TAB2: variants seen among roughly 807,000 people sequenced by gnomAD.
The protein encoded by TAB2 is TGF-beta-activated kinase 1 and MAP3K7-binding protein 2.
TAB2 carries 3 observed loss-of-function variants against 65.0 expected under a neutral mutation model. That is an observed-to-expected ratio of 0.05 (90% CI 0.02 to 0.12). The LOEUF is 0.12. Ranked by LOEUF, TAB2 falls within the 10% of genes least tolerant of loss-of-function variation. The pLI, the probability that TAB2 is intolerant of heterozygous loss-of-function variation, is 1.00. For synonymous variants in TAB2, 298 were observed against 285.1 expected (o/e 1.05, Z -0.46); for missense variants, 623 against 840.3 (o/e 0.74, Z 3.20).
intron 1 of TAB2, among the ~76,000 whole-genome samples, chr6:149,282,701 G>A (rs922720218): frequency 6.6e-6 from 1 of 152,156 alleles, no homozygotes; most frequent in Admixed American, 6.5e-5. Context: ...TTCTCAGATC[G>A]TATTTTAGGG....
chr6:149,343,649 G>GC (rs1780201043), intron 1 of TAB2, among the ~76,000 whole-genome samples: 2 of 152,078 alleles, frequency 1.3e-5, no homozygotes, highest in Admixed American at 1.3e-4. Context: ...AAAGAAACCA[G>GC]CCAAGGAAGT....
In TAB2 at chr6:149,409,658, C is replaced by G. The variant is rs1319640498; in HGVS notation, c.2021C>G (p.Thr674Ser). Residue 674 changes from threonine to serine, a missense_variant, in exon 7 of 7, where the codon ACT becomes AGT. By Grantham distance (58) the Thr-to-Ser change is moderately conservative. This residue lies in a region of TAB2 where 56 missense variants were observed against 130.3 expected (regional missense o/e 0.43). Transcript: ENST00000637181. ...GCTCAGTGGAATTGTACCGCCTGTA[C>G]TTTTTTGAACCATCCAGCCTTAATT... ...EGAQWNCTAC[T>S]FLNHPALIRC... 1 of 1,614,056 alleles carries G rather than the reference C, an allele frequency of 6.2e-7. No homozygotes were observed. The highest frequency in any genetic ancestry group is 2.2e-5 in the East Asian group (1 of 44,900).
chr6:149,355,770 A>G (rs1780634946), intron 1 of TAB2, among the ~76,000 whole-genome samples: 1 of 152,100 alleles, frequency 6.6e-6, no homozygotes, highest in African/African-American at 2.4e-5. Flanking sequence ...CCTTACTTAC[A>G]TGACACTGTT....
At chr6:149,357,621 T>C (rs1019162034) in intron 1 of TAB2, among the ~76,000 whole-genome samples, 1 of 152,228 alleles carries the variant, frequency 6.6e-6, no homozygotes, top group African/African-American at 2.4e-5. Flanking sequence ...ATGAACTTAA[T>C]ACTTTACAAC....
rs1042998966 is a variant in TAB2, at chr6:149,260,307, G to A, written c.-121+41531G>A. Among the ~76,000 whole-genome samples, 4 of 152,356 alleles carry A rather than the reference G, an allele frequency of 2.6e-5. No homozygotes were observed. The South Asian group carries it at 6.2e-4, about 24-fold the overall frequency. ...TCCAAGAAGTGGGTTTGGAACGGGA[G>A]GAGAGAGGTTGAGCTGAAAGCCTGA... On this transcript the variant is annotated intron_variant, in intron 1 of 1. Coordinates refer to the TAB2 transcript ENST00000606202.
At chr6:149,227,110 T>C (rs11155634) in intron 1 of TAB2, among the ~76,000 whole-genome samples, 5,293 of 152,312 alleles carry the variant, frequency 0.035, 124 homozygotes, top group Non-Finnish European at 0.051. Flanking sequence ...AGCATACATA[T>C]TACTAAAAGA....
chr6:149,333,711 G>A lies in TAB2; in HGVS notation c.-90+15696G>A, dbSNP rs930780824. 8.5e-5 allele frequency among the ~76,000 whole-genome samples: 9 copies of A among 105,384 alleles called. No homozygotes were observed. In the South Asian group the frequency reaches 2.5e-3, roughly 30 times the overall value. 69.1% of individuals were successfully genotyped at this position (105,384 alleles called of 152,430 possible). A position where few individuals can be genotyped will look rare whatever the true frequency, so the allele number is the denominator to read the frequency against. ...ATTCTTTTATTTCCAGATCCATAGT[G>A]TGTGTGTGTGTGTGTGTGTGTGTGT... On this transcript the variant is annotated intron_variant, in intron 1 of 6. Coordinates refer to ENST00000637181, the MANE Select transcript of TAB2 (RefSeq NM_001292034.3).
chr6:149,259,973 A>G (rs933601090), intron 1 of TAB2, among the ~76,000 whole-genome samples: 1 of 152,184 alleles, frequency 6.6e-6, no homozygotes, highest in South Asian at 2.1e-4. Flanking sequence ...ACATGTGAGT[A>G]ATATAAGACT....
At chr6:149,314,636 G>A (rs1055394531), upstream of TAB2, among the ~76,000 whole-genome samples, 2 of 152,142 alleles carry the variant, frequency 1.3e-5, no homozygotes, top group Non-Finnish European at 2.9e-5. Flanking sequence ...CAGCTACCTT[G>A]TATCAATGCT....
chr6:149,254,333 A>G (rs1263758686), intron 1 of TAB2, among the ~76,000 whole-genome samples: 3 of 152,198 alleles, frequency 2.0e-5, no homozygotes, highest in African/African-American at 7.2e-5. Context: ...CTGACCAGCC[A>G]CTGGGTTTTC....
chr6:149,388,412 A>C (rs549122521), intron 3 of TAB2, among the ~76,000 whole-genome samples: 1 of 152,262 alleles, frequency 6.6e-6, no homozygotes, highest in African/African-American at 2.4e-5. Flanking sequence ...AATGTGGGGA[A>C]GGACACTAAT....
intron 3 of TAB2, among the ~76,000 whole-genome samples, chr6:149,381,613 G>A (rs148561342): frequency 0.011 from 1,324 of 117,392 alleles, 9 homozygotes; most frequent in Middle Eastern, 0.044. Flanking sequence ...TCGCTCTTTC[G>A]TCCAAATTGG....
chr6:149,360,126 A>G (rs1299363698), intron 1 of TAB2, among the ~76,000 whole-genome samples: 1 of 152,142 alleles, frequency 6.6e-6, no homozygotes, highest in Non-Finnish European at 1.5e-5. Flanking sequence ...TGCTCTTGGT[A>G]TATAGGTATT....
At position 149,343,466 on chromosome 6, in the gene TAB2, C is replaced by T. The variant is rs529382146; in HGVS notation, c.-90+25451C>T. ...CAGCCTGAGCAACAGAGTGAGACTC[C>T]GTCTCAAAAAAAAAAAAAAAGGTTA... On this transcript the variant is annotated intron_variant, in intron 1 of 6. Coordinates refer to ENST00000637181, the MANE Select transcript of TAB2 (RefSeq NM_001292034.3). Among the ~76,000 whole-genome samples the T allele has an allele frequency of 6.7e-4, 97 of 143,798 alleles. 1 individual carries two copies. The highest frequency in any genetic ancestry group is 6.4e-3 in the Admixed American group (92 of 14,374). The allele number at this position is 143,798 out of a possible 152,430, so 94.3% of individuals were successfully genotyped here. A position where few individuals can be genotyped will look rare whatever the true frequency, so the allele number is the denominator to read the frequency against.
chr6:149,384,817 G>A (rs545957603), intron 3 of TAB2, among the ~76,000 whole-genome samples: 1 of 152,092 alleles, frequency 6.6e-6, no homozygotes, highest in East Asian at 1.9e-4. Context: ...TTTTCATGGT[G>A]GAGAGAAAAA....
At chr6:149,347,846 G>A (rs1054292646) in intron 1 of TAB2, among the ~76,000 whole-genome samples, 2 of 152,102 alleles carry the variant, frequency 1.3e-5, no homozygotes, top group Non-Finnish European at 2.9e-5. Context: ...TGTATAATAT[G>A]TCAATAATGT....
chr6:149,254,873 C>T (rs1380688331), intron 1 of TAB2, among the ~76,000 whole-genome samples: 1 of 152,150 alleles, frequency 6.6e-6, no homozygotes, highest in Non-Finnish European at 1.5e-5. Flanking sequence ...TAAATGTAGG[C>T]TACACAAAAT....
chr6:149,403,249 T>A (rs1737339), intron 6 of TAB2, among the ~76,000 whole-genome samples: 15,330 of 40,416 alleles, frequency 0.38, 1,692 homozygotes, highest in African/African-American at 0.49. Flanking sequence ...AAAAAAAAAA[T>A]ATATATATAT....
intron 1 of TAB2, among the ~76,000 whole-genome samples, chr6:149,277,343 G>A (rs985723897): frequency 4.6e-5 from 7 of 151,934 alleles, no homozygotes; most frequent in Admixed American, 4.6e-4. Context: ...ATACCATGTG[G>A]CTATTTTTTT....
Sources: gnomAD v4.1 joint callset for allele counts (sites outside exome capture counted in the v4.1 genomes callset) on GRCh38, gnomAD v4.1.1 for gene constraint, gnomAD v4.1.1 regional missense constraint, MANE v1.5 for transcripts, NCBI Gene and HGNC (gene_info 2026-07-23, HGNC 2026-07-21) for gene names.